NCKIPSD: variants seen among roughly 807,000 people sequenced by gnomAD.
NCKIPSD encodes NCK interacting protein with SH3 domain, also known as NCK-interacting protein with SH3 domain.
Under a neutral mutation model 73.4 loss-of-function variants are expected in NCKIPSD, and 48 were observed. That is an observed-to-expected ratio of 0.65 (90% CI 0.52 to 0.83). The LOEUF (loss-of-function observed/expected upper bound fraction) is 0.83. NCKIPSD is among the 40% of genes least tolerant of loss of function. NCKIPSD has a pLI of 0.00. For synonymous variants in NCKIPSD, 422 were observed against 403.6 expected (o/e 1.05, Z -0.54); for missense variants, 884 against 970.2 (o/e 0.91, Z 1.18).
chr3:48,678,413 T>G, intron 12 of NCKIPSD, 151 bp downstream of exon 12: 1 of 1,019,534 alleles, frequency 9.8e-7, no homozygotes, highest in Non-Finnish European at 1.4e-6. Context: ...GGCTGGCTCC[T>G]TTGGGTCTTG....
In NCKIPSD at chr3:48,682,185, A is replaced by T. The variant is rs1193179134; in HGVS notation, c.487-29T>A. On this transcript the variant is annotated intron_variant, in intron 3 of 12. Coordinates refer to ENST00000294129, the MANE Select transcript of NCKIPSD (RefSeq NM_016453.4). ...GAAGATGGAAGTAGGATCTTGGAGG[A>T]CAGACTGACATCTAGAGCGTCAGCG... is the stretch of plus-strand genomic sequence containing the variant. 2.5e-6 allele frequency: 4 copies of T among 1,587,004 alleles called. No individual in the cohort carries two copies. The East Asian group carries it at 6.7e-5, about 27-fold the overall frequency.
chr3:48,679,874 G>C lies in NCKIPSD; in HGVS notation c.1277C>G (p.Pro426Arg). 1 of 1,614,200 alleles carries C rather than the reference G, an allele frequency of 6.2e-7. No individual in the cohort carries two copies. Among genetic ancestry groups the C allele is most frequent in the Non-Finnish European group, 8.5e-7 (1 of 1,180,042 alleles). ...CTTGCACATTTTCTTGCAAACTTCA[G>C]GGTCTGCATCAGTCTACAGAAATGA... ...ELLHILTDAD[P>R]EVCKKMCKRN... Residue 426 changes from proline to arginine, a missense_variant, in exon 7 of 13, where the codon CCT becomes CGT. Pro to Arg is a moderately radical substitution (Grantham distance 103). Transcript: ENST00000294129.
Position 48,681,784 on chromosome 3 carries a change from C to T in NCKIPSD, c.599-4G>A, listed in dbSNP as rs372107415. The T allele has an allele frequency of 1.1e-4, 166 of 1,488,672 alleles. No homozygotes were observed. The highest frequency in any genetic ancestry group is 1.4e-4 in the Non-Finnish European group (159 of 1,121,622). The allele number at this position is 1,488,672 out of a possible 1,614,324, so 92.2% of individuals were successfully genotyped here. A position where few individuals can be genotyped will look rare whatever the true frequency, so the allele number is the denominator to read the frequency against. ...GAGGGCATGGTGTTGTGGCCACCTG[C>T]GAGCAGTGAGTAGAAGCTGGGCCAG... On this transcript the variant is annotated splice_polypyrimidine_tract_variant and splice_region_variant and intron_variant, in intron 4 of 12. Coordinates refer to ENST00000294129, the MANE Select transcript of NCKIPSD (RefSeq NM_016453.4).
Position 48,685,881 on chromosome 3 carries a change from C to A in NCKIPSD, c.-74G>T. On this transcript the variant is annotated 5_prime_UTR_variant, in exon 1 of 13. Coordinates refer to ENST00000294129, the MANE Select transcript of NCKIPSD (RefSeq NM_016453.4). ...ACAACGCCAGGCCGGGAGCGCCGAGCCGCGCCGCGGTTGTCCCGCCCCGTG... is the reference window on the plus strand; with the variant it reads ...ACAACGCCAGGCCGGGAGCGCCGAGACGCGCCGCGGTTGTCCCGCCCCGTG... The A allele has an allele frequency of 7.6e-7, 1 of 1,308,460 alleles. No homozygotes were observed. The highest frequency in any genetic ancestry group is 9.8e-7 in the Non-Finnish European group (1 of 1,023,548). 81.1% of individuals were successfully genotyped at this position (1,308,460 alleles called of 1,614,324 possible).
rs753095788 is a variant in NCKIPSD, at chr3:48,682,120, G to A, written c.523C>T (p.Arg175Cys). The A allele has an allele frequency of 2.3e-5, 37 of 1,600,656 alleles. 1 individual carries two copies. The Admixed American group carries it at 3.7e-4, about 16-fold the overall frequency. Residue 175 changes from arginine (R) to cysteine (C), a missense_variant, in exon 4 of 13, where the codon CGC becomes TGC. By Grantham distance (180) the Arg-to-Cys change is radical. Transcript: ENST00000294129. ...GGCGGTGTGGTGGGTGCTGCTCGGC[G>A]AGGCTGTGGTGGGATCTGGGAAGAT... The part of the protein sequence containing the change: ...LPSSQIPPQP[R>C]RAAPTTPPPP...
chr3:48,681,430 T>A lies in NCKIPSD; in HGVS notation c.949A>T (p.Met317Leu). 3.1e-6 allele frequency: 5 copies of A among 1,613,994 alleles called. No individual in the cohort carries two copies. The highest frequency in any genetic ancestry group is 1.6e-4 in the Middle Eastern group (1 of 6,062). Residue 317 changes from methionine to leucine, a missense_variant, in exon 5 of 13, where the codon ATG becomes TTG. By Grantham distance (15) the Met-to-Leu change is conservative. Transcript: ENST00000294129. Reference sequence around the variant, plus strand: ...CCAGTGTTTCTCCGCACCAGCTCCATCAGCTCGGCCCCAATGGTCCTGGGC... The same window carrying A: ...CCAGTGTTTCTCCGCACCAGCTCCAACAGCTCGGCCCCAATGGTCCTGGGC... ...AVPRTIGAELMELVRRNTGLS... is the reference protein window; with the variant it reads ...AVPRTIGAELLELVRRNTGLS...
intron 4 of NCKIPSD, 108 bp downstream of exon 4, chr3:48,681,937 T>C: frequency 6.8e-7 from 1 of 1,477,888 alleles, no homozygotes; most frequent in Non-Finnish European, 9.1e-7. Flanking sequence ...AAAATGGGAG[T>C]CCTGTCCTCT....
chr3:48,678,927 G>A lies in NCKIPSD; in HGVS notation c.1742C>T (p.Ala581Val), dbSNP rs759762192. 3 of 1,614,044 alleles carry A rather than the reference G, an allele frequency of 1.9e-6. No individual in the cohort carries two copies. Among genetic ancestry groups the A allele is most frequent in the Middle Eastern group, 1.6e-4 (1 of 6,062 alleles). The change falls in exon 11 of 13, where the codon GCC becomes GTC. Residue 581 changes from alanine (A) to valine (V), a missense_variant. Coordinates refer to ENST00000294129, the MANE Select transcript of NCKIPSD (RefSeq NM_016453.4). The stretch of plus-strand genomic sequence containing the variant: ...CTTCTCGGAGAAGATCTTGACATTG[G>A]CGTGTTTGCTCAGGGCAGCCATGAT... ...NVIMAALSKHANVKIFSEKLL... is the reference protein window; with the variant it reads ...NVIMAALSKHVNVKIFSEKLL...
At chr3:48,683,078 C>A (rs1460563406) in intron 1 of NCKIPSD, 66 bp from the exon 2 acceptor site, 3 of 1,541,218 alleles carry the variant, frequency 1.9e-6, no homozygotes, top group Non-Finnish European at 2.6e-6. Context: ...CCAGGCCCAG[C>A]CCGAGATAGA....
At chr3:48,676,328 C>A (rs767020140) in intron 12 of NCKIPSD, among the ~76,000 whole-genome samples, 1 of 152,174 alleles carries the variant, frequency 6.6e-6, no homozygotes, top group Non-Finnish European at 1.5e-5. Context: ...AGCCCTAGCT[C>A]CTGTCCATGT....
intron 12 of NCKIPSD, among the ~76,000 whole-genome samples, chr3:48,676,137 A>G (rs9841602): frequency 0.21 from 32,119 of 152,074 alleles, 5,121 homozygotes; most frequent in African/African-American, 0.45. Flanking sequence ...TGAGCCTCCC[A>G]CTGCTTTTCT....
chr3:48,676,283 G>A (rs1407310640), intron 12 of NCKIPSD, among the ~76,000 whole-genome samples: 2 of 152,096 alleles, frequency 1.3e-5, no homozygotes, highest in Non-Finnish European at 2.9e-5. Context: ...TTTCCCCTCA[G>A]TACCCACATC....
rs1479550699 is a variant in NCKIPSD, at chr3:48,682,371, C to G, written c.463G>C (p.Gly155Arg). 12 of 1,613,968 alleles carry G rather than the reference C, an allele frequency of 7.4e-6. No homozygotes were observed. Among genetic ancestry groups the G allele is most frequent in the Middle Eastern group, 1.6e-4 (1 of 6,074 alleles). The change falls in exon 3 of 13, where the codon GGG becomes CGG. Residue 155 changes from glycine (G) to arginine (R), a missense_variant. By Grantham distance (125) the Gly-to-Arg change is moderately radical. Coordinates refer to ENST00000294129, the MANE Select transcript of NCKIPSD (RefSeq NM_016453.4). ...ACCTGGTAGAGGCCTCCATCTGCCCCAAGATGCTCAGAACTGGGTAGGCTG... is the reference window on the plus strand; with the variant it reads ...ACCTGGTAGAGGCCTCCATCTGCCCGAAGATGCTCAGAACTGGGTAGGCTG... Reference protein sequence around the residue: ...QHSLPSSEHLGADGGLYQIPL... With the variant: ...QHSLPSSEHLRADGGLYQIPL...
Position 48,682,081 on chromosome 3 carries a change from G to A in NCKIPSD, c.562C>T (p.Arg188Cys), listed in dbSNP as rs770004499. The A allele has an allele frequency of 7.5e-6, 12 of 1,601,750 alleles. No homozygotes were observed. The highest frequency in any genetic ancestry group is 1.3e-5 in the African/African-American group (1 of 74,928). ...APTTPPPPVK[R>C]RDREALMASG... Reference sequence around the variant, plus strand: ...GCCATCAGGGCCTCGCGGTCTCGGCGCTTCACTGGTGGGGGCGGTGTGGTG... The same window carrying A: ...GCCATCAGGGCCTCGCGGTCTCGGCACTTCACTGGTGGGGGCGGTGTGGTG... Residue 188 changes from arginine (R) to cysteine (C), a missense_variant, in exon 4 of 13, where the codon CGC becomes TGC. Arg to Cys is a radical substitution (Grantham distance 180, BLOSUM62 -3). Transcript: ENST00000294129.
chr3:48,680,053 C>A lies in NCKIPSD; in HGVS notation c.1263+6G>T. ...GTGGGGTATGTGTGTGGGACCCCAC[C>A]CTTACCAGAATATGCAGCAGCTCCT... On this transcript the variant is annotated splice_donor_region_variant and intron_variant, in intron 6 of 12. Coordinates refer to ENST00000294129, the MANE Select transcript of NCKIPSD (RefSeq NM_016453.4). The A allele has an allele frequency of 6.2e-7, 1 of 1,609,012 alleles. No homozygotes were observed. The highest frequency in any genetic ancestry group is 8.5e-7 in the Non-Finnish European group (1 of 1,176,390).
chr3:48,679,692 G>A lies in NCKIPSD; in HGVS notation c.1372C>T (p.Leu458=). The part of the protein sequence containing the change: ...YQMEHRASLR[L]LLLKCFGAMC... ...GCGCCAAAGCACTTGAGGAGCAGCA[G>A]CCGCAGTGATGCTCGGTGTTCCTGG... is the stretch of plus-strand genomic sequence containing the variant. Residue 458 remains leucine, a synonymous_variant, in exon 8 of 13, where the codon CTG becomes TTG. Transcript: ENST00000294129. The A allele has an allele frequency of 6.2e-7, 1 of 1,614,214 alleles. No individual in the cohort carries two copies. The highest frequency in any genetic ancestry group is 8.5e-7 in the Non-Finnish European group (1 of 1,180,026).
chr3:48,685,493 A>T, intron 1 of NCKIPSD, 144 bp downstream of exon 1: 1 of 1,088,928 alleles, frequency 9.2e-7, no homozygotes, highest in Non-Finnish European at 1.2e-6. Flanking sequence ...CGGGGGTCTC[A>T]GGGTCAGGTT....
rs148508461 is a variant in NCKIPSD, at chr3:48,679,830, C to G, written c.1321G>C (p.Val441Leu). ...TGGTAATAGGCCACCAAGGCCAGGA[C>G]AGACTCGAACTCGTTTCTCTTGCAC... ...KMCKRNEFES[V>L]LALVAYYQME... Residue 441 changes from valine to leucine, a missense_variant, in exon 7 of 13, where the codon GTC becomes CTC. Coordinates refer to ENST00000294129, the MANE Select transcript of NCKIPSD (RefSeq NM_016453.4). 1 of 1,614,254 alleles carries G rather than the reference C, an allele frequency of 6.2e-7. No homozygotes were observed. Among genetic ancestry groups the G allele is most frequent in the South Asian group, 1.1e-5 (1 of 91,088 alleles).
chr3:48,678,950 G>A lies in NCKIPSD; in HGVS notation c.1719C>T (p.Ile573=). Residue 573 remains isoleucine, a synonymous_variant, in exon 11 of 13, where the codon ATC becomes ATT. Coordinates refer to ENST00000294129, the MANE Select transcript of NCKIPSD (RefSeq NM_016453.4). ...LHLPAADQNV[I]MAALSKHANV... ...TGGCGTGTTTGCTCAGGGCAGCCAT[G>A]ATGACATTCTGGTCAGCAGCTAAGG... The A allele has an allele frequency of 6.2e-7, 1 of 1,614,116 alleles. No individual in the cohort carries two copies.
Sources: gnomAD v4.1 joint callset for allele counts (sites outside exome capture counted in the v4.1 genomes callset) on GRCh38, gnomAD v4.1.1 for gene constraint, MANE v1.5 for transcripts, NCBI Gene and HGNC (gene_info 2026-07-23, HGNC 2026-07-21) for gene names.